ULK4: variants seen among roughly 807,000 people sequenced by gnomAD.
The protein encoded by ULK4 is unc-51 like kinase 4.
In ULK4, 133 loss-of-function variants were observed where a neutral mutation model predicts 160.6. That is an observed-to-expected ratio of 0.83 (90% CI 0.72 to 0.96). The LOEUF is 0.96. Among genes scored for constraint, ULK4 ranks in the 40% least tolerant of loss-of-function variants. ULK4 has a pLI of 0.00. For missense variants in ULK4, 1,580 were observed against 1,499.5 expected, an observed-to-expected ratio of 1.05 and a Z score of -0.89; for synonymous variants, 534 against 539.8, an observed-to-expected ratio of 0.99 and a Z score of 0.15.
chr3:41,796,125 G>A (rs1205173761), intron 20 of ULK4, among the ~76,000 whole-genome samples: 1 of 152,096 alleles, frequency 6.6e-6, no homozygotes, highest in Non-Finnish European at 1.5e-5. Flanking sequence ...GAAGCAGAGT[G>A]GTAGCAGCAA....
At position 41,772,062 on chromosome 3, in the gene ULK4, A is replaced by G. The variant is rs564602088; in HGVS notation, c.2194-17574T>C. Reference sequence around the variant, plus strand: ...CTTTATACCAGAATCTCTGGGACACATTTAAAGCACTGTGTAGAGGGAAGT... The same window carrying G: ...CTTTATACCAGAATCTCTGGGACACGTTTAAAGCACTGTGTAGAGGGAAGT... On this transcript the variant is annotated intron_variant, in intron 21 of 36. Coordinates refer to ENST00000301831, the MANE Select transcript of ULK4 (RefSeq NM_017886.4). Among the ~76,000 whole-genome samples, 10 of 152,312 alleles carry G rather than the reference A, an allele frequency of 6.6e-5. No individual in the cohort carries two copies. The South Asian group carries it at 2.1e-3, about 32-fold the overall frequency.
chr3:41,625,113 G>T (rs539140608), intron 30 of ULK4, among the ~76,000 whole-genome samples: 4 of 152,260 alleles, frequency 2.6e-5, no homozygotes, highest in Non-Finnish European at 4.4e-5. Flanking sequence ...ATTGTGAGAG[G>T]TGATCAATAA....
intron 19 of ULK4, among the ~76,000 whole-genome samples, chr3:41,814,848 G>T (rs2040917814): frequency 6.7e-6 from 1 of 148,228 alleles, no homozygotes; most frequent in African/African-American, 2.5e-5. Flanking sequence ...TTCTCTTTCA[G>T]TCTTTCTATA....
chr3:41,498,119 T>A (rs1048466305), intron 32 of ULK4, among the ~76,000 whole-genome samples: 3 of 152,208 alleles, frequency 2.0e-5, no homozygotes, highest in Admixed American at 6.5e-5. Flanking sequence ...CAAGTATACA[T>A]GAAACCTTCT....
At chr3:41,300,834 AG>A (rs1370069199) in intron 35 of ULK4, among the ~76,000 whole-genome samples, 1 of 92,188 alleles carries the variant, frequency 1.1e-5, no homozygotes, top group Non-Finnish European at 2.1e-5. Flanking sequence ...ATCATTTTAC[AG>A]ATTATATATA....
chr3:41,515,519 A>C (rs566355225), intron 32 of ULK4, among the ~76,000 whole-genome samples: 1 of 152,176 alleles, frequency 6.6e-6, no homozygotes, highest in Non-Finnish European at 1.5e-5. Context: ...TTATAAAGGA[A>C]AGAGGTTTAA....
chr3:41,293,482 C>T (rs961509454), intron 35 of ULK4, among the ~76,000 whole-genome samples: 1 of 152,176 alleles, frequency 6.6e-6, no homozygotes, highest in African/African-American at 2.4e-5. Flanking sequence ...CTCTCAAAGA[C>T]TCACCATCAA....
chr3:41,599,569 T>TG (rs1440440489), intron 31 of ULK4, among the ~76,000 whole-genome samples: 3 of 145,588 alleles, frequency 2.1e-5, no homozygotes, highest in African/African-American at 7.9e-5. Context: ...CTTTTTCTTT[T>TG]TTTTTTTTTT....
intron 17 of ULK4, chr3:41,859,414 T>C (rs575367806): frequency 1.0e-4 from 58 of 561,594 alleles, no homozygotes; most frequent in Non-Finnish European, 1.5e-4. Context: ...AAAGAGAGGG[T>C]TGAGTTGGGC....
intron 21 of ULK4, among the ~76,000 whole-genome samples, chr3:41,788,862 T>C (rs778517082): frequency 3.9e-5 from 6 of 152,194 alleles, no homozygotes; most frequent in Admixed American, 2.0e-4. Context: ...AATTTATATA[T>C]AGCCAGGCCT....
intron 17 of ULK4, among the ~76,000 whole-genome samples, chr3:41,867,883 T>C (rs1310258279): frequency 6.6e-6 from 1 of 152,234 alleles, no homozygotes; most frequent in Non-Finnish European, 1.5e-5. Context: ...TATTGACCCA[T>C]GAGTTACAAG....
At chr3:41,820,437 A>C (rs2041109065) in intron 18 of ULK4, among the ~76,000 whole-genome samples, 1 of 152,228 alleles carries the variant, frequency 6.6e-6, no homozygotes, top group Non-Finnish European at 1.5e-5. Flanking sequence ...AGTGAAGTGG[A>C]TAAAGAAAAT....
chr3:41,591,617 T>A (rs1459464440), intron 31 of ULK4, among the ~76,000 whole-genome samples: 1 of 152,196 alleles, frequency 6.6e-6, no homozygotes, highest in Non-Finnish European at 1.5e-5. Flanking sequence ...GACAAAGGAA[T>A]GAAGGTCTCC....
intron 34 of ULK4, among the ~76,000 whole-genome samples, chr3:41,451,972 A>G (rs2083435605): frequency 6.6e-6 from 1 of 152,164 alleles, no homozygotes; most frequent in Non-Finnish European, 1.5e-5. Context: ...ATGCTAATAA[A>G]TATTTAAATG....
At chr3:41,787,172 G>A (rs2040021302) in intron 21 of ULK4, among the ~76,000 whole-genome samples, 1 of 152,136 alleles carries the variant, frequency 6.6e-6, no homozygotes. Context: ...ATGTGACCAT[G>A]GCAAGGTGCC....
intron 18 of ULK4, 48 bp downstream of exon 18, chr3:41,835,816 T>A: frequency 7.3e-7 from 1 of 1,374,848 alleles, no homozygotes; most frequent in South Asian, 1.2e-5. Context: ...TCAGCCAGAG[T>A]ATGTCAGAAC....
chr3:41,442,902 G>T (rs1460694021), intron 34 of ULK4, among the ~76,000 whole-genome samples: 1 of 152,210 alleles, frequency 6.6e-6, no homozygotes, highest in African/African-American at 2.4e-5. Flanking sequence ...CTTATCAAGA[G>T]TAGTTTGAAT....
chr3:41,462,913 T>G (rs887957462), intron 33 of ULK4, among the ~76,000 whole-genome samples, 174 bp downstream of exon 33: 2 of 152,220 alleles, frequency 1.3e-5, no homozygotes, highest in African/African-American at 2.4e-5. Context: ...GATCAAATTC[T>G]CTGTTCTTGA....
At chr3:41,287,999 A>C (rs2125700250) in intron 35 of ULK4, among the ~76,000 whole-genome samples, 1 of 152,282 alleles carries the variant, frequency 6.6e-6, no homozygotes, top group East Asian at 1.9e-4. Context: ...GATTGGGTTA[A>C]ATGTCTTTAG....
Sources: allele counts gnomAD v4.1 joint callset (sites outside exome capture counted in the v4.1 genomes callset), GRCh38; gene constraint gnomAD v4.1.1; transcripts MANE v1.5; gene names NCBI Gene and HGNC (gene_info 2026-07-23, HGNC 2026-07-21).